VPS54: variants seen among roughly 807,000 people sequenced by gnomAD.
VPS54 encodes vacuolar protein sorting-associated protein 54.
Under a neutral mutation model 121.5 loss-of-function variants are expected in VPS54, and 45 were observed. The ratio of observed to expected loss-of-function variants is 0.37; its 90% CI spans 0.29 to 0.47. The LOEUF (loss-of-function observed/expected upper bound fraction) is 0.47. Among genes scored for constraint, VPS54 ranks in the 20% least tolerant of loss-of-function variants. The pLI is 0.99. For missense variants in VPS54, 1,090 were observed against 1,131.4 expected (o/e 0.96, Z 0.52); for synonymous variants, 371 against 385.8 (o/e 0.96, Z 0.45).
rs562172399 is a variant in VPS54 at position 64,007,024 on chromosome 2, G to A, written c.-21+11914C>T. 3.9e-5 allele frequency among the ~76,000 whole-genome samples: 6 copies of A among 152,294 alleles called. No homozygotes were observed. The South Asian group carries it at 6.2e-4, about 16-fold the overall frequency. On this transcript the variant is annotated intron_variant, in intron 1 of 22. Coordinates refer to ENST00000272322, the MANE Select transcript of VPS54 (RefSeq NM_016516.3). Reference sequence around the variant, plus strand: ...AGGATCCTGAGCCTCCTCTTCTGGCGTCCTTTTCTTTGCTTGAGCATTCCT... The same window carrying A: ...AGGATCCTGAGCCTCCTCTTCTGGCATCCTTTTCTTTGCTTGAGCATTCCT...
chr2:63,972,367 CA>C (rs764513823), intron 3 of VPS54, 123 bp from the exon 4 acceptor site: 1 of 586,952 alleles, frequency 1.7e-6, no homozygotes, highest in Non-Finnish European at 2.9e-6. Context: ...AATATGAAAT[CA>C]CTAGCCTCCT....
chr2:64,013,691 A>G (rs1056070632), intron 1 of VPS54, among the ~76,000 whole-genome samples: 1 of 146,824 alleles, frequency 6.8e-6, no homozygotes, highest in South Asian at 2.1e-4. Context: ...GATATATATC[A>G]CATATATAGA....
At chr2:63,979,998 G>T (rs1676736161) in intron 3 of VPS54, among the ~76,000 whole-genome samples, 2 of 151,964 alleles carry the variant, frequency 1.3e-5, no homozygotes, top group Non-Finnish European at 1.5e-5. Flanking sequence ...TTGGTTAATG[G>T]TTCAAGTCTA....
chr2:63,976,572 G>A (rs1397018818), intron 3 of VPS54, among the ~76,000 whole-genome samples: 4 of 151,972 alleles, frequency 2.6e-5, no homozygotes, highest in African/African-American at 9.7e-5. Flanking sequence ...ATCTGGGCCT[G>A]GTGATTTCTG....
intron 20 of VPS54, among the ~76,000 whole-genome samples, chr2:63,909,616 AACCATCTTGGCCAGGCTGGT>A (rs1673050859): frequency 6.7e-6 from 1 of 148,850 alleles, no homozygotes; most frequent in African/African-American, 2.4e-5. Context: ...GACAGGGTTT[AACCATCTTGGCCAGGCTGGT>A]CTTGAACTCC....
intron 22 of VPS54, among the ~76,000 whole-genome samples, chr2:63,897,279 A>T (rs1442281106): frequency 1.3e-5 from 2 of 151,836 alleles, no homozygotes; most frequent in Non-Finnish European, 1.5e-5. Context: ...ACAGATACAT[A>T]ACGTCAGGTA....
intron 1 of VPS54, among the ~76,000 whole-genome samples, chr2:64,016,694 C>CA (rs1374410797): frequency 2.6e-5 from 4 of 151,404 alleles, no homozygotes; most frequent in Non-Finnish European, 4.4e-5. Flanking sequence ...CTGCAACCTC[C>CA]ACCTCCCAGG....
chr2:63,947,123 G>A (rs1302978637), intron 9 of VPS54, among the ~76,000 whole-genome samples: 1 of 151,926 alleles, frequency 6.6e-6, no homozygotes, highest in Non-Finnish European at 1.5e-5. Flanking sequence ...AACTGCTTAT[G>A]ATTGTAACTG....
At chr2:63,964,869 G>A (rs1206230309) in intron 6 of VPS54, among the ~76,000 whole-genome samples, 3 of 152,012 alleles carry the variant, frequency 2.0e-5, no homozygotes, top group African/African-American at 7.2e-5. Context: ...AGTTTTAGAC[G>A]AGCTCTAAAC....
intron 1 of VPS54, among the ~76,000 whole-genome samples, chr2:64,011,499 G>C (rs922952476): frequency 2.6e-5 from 4 of 152,122 alleles, no homozygotes; most frequent in Non-Finnish European, 4.4e-5. Flanking sequence ...ACAGAACGGG[G>C]AGGTTGCAGT....
intron 7 of VPS54, among the ~76,000 whole-genome samples, chr2:63,957,259 G>A (rs1018811931): frequency 2.6e-5 from 4 of 151,804 alleles, no homozygotes; most frequent in East Asian, 1.9e-4. Flanking sequence ...TGGCTAACAC[G>A]GTGAAACCCT....
At chr2:63,901,284 T>C (rs1672670127) in intron 20 of VPS54, among the ~76,000 whole-genome samples, 1 of 152,084 alleles carries the variant, frequency 6.6e-6, no homozygotes, top group Admixed American at 6.5e-5. Flanking sequence ...AAAGGCCCTC[T>C]GAGGAGAGGT....
At chr2:63,990,515 G>A (rs1239397376) in intron 1 of VPS54, among the ~76,000 whole-genome samples, 5 of 151,964 alleles carry the variant, frequency 3.3e-5, no homozygotes, top group Non-Finnish European at 7.4e-5. Context: ...CACTCAGCCT[G>A]CCTCTCTGTA....
At chr2:63,993,627 C>T (rs1443587459) in intron 1 of VPS54, among the ~76,000 whole-genome samples, 1 of 152,208 alleles carries the variant, frequency 6.6e-6, no homozygotes, top group Non-Finnish European at 1.5e-5. Flanking sequence ...ATTGTAGTTC[C>T]TTTAAATCGG....
At chr2:63,992,763 G>C (rs113638924) in intron 1 of VPS54, among the ~76,000 whole-genome samples, 42 of 152,322 alleles carry the variant, frequency 2.8e-4, no homozygotes, top group African/African-American at 9.4e-4. Context: ...CTTCCAACTC[G>C]GCATGCCTGC....
intron 16 of VPS54, 130 bp from the exon 17 acceptor site, chr2:63,914,417 T>C (rs758796162): frequency 3.0e-5 from 20 of 659,670 alleles, no homozygotes; most frequent in Non-Finnish European, 5.3e-5. Context: ...GTAACTATGT[T>C]AAAGTATGCA....
chr2:63,909,034 T>TC (rs2104423719), intron 20 of VPS54, among the ~76,000 whole-genome samples: 2 of 152,280 alleles, frequency 1.3e-5, no homozygotes, highest in African/African-American at 4.8e-5. Flanking sequence ...ATCTTATCTA[T>TC]CCTTAAAAGC....
At chr2:64,002,546 A>G (rs1677936057) in intron 1 of VPS54, among the ~76,000 whole-genome samples, 2 of 152,234 alleles carry the variant, frequency 1.3e-5, no homozygotes. Context: ...CATTCTGACA[A>G]TACTATGTTG....
intron 6 of VPS54, among the ~76,000 whole-genome samples, chr2:63,964,748 G>A (rs769162242): frequency 2.0e-5 from 3 of 152,130 alleles, no homozygotes; most frequent in Non-Finnish European, 4.4e-5. Flanking sequence ...AGTTCCTGAT[G>A]AGGACTGAAC....
Sources: allele counts gnomAD v4.1 joint callset (sites outside exome capture counted in the v4.1 genomes callset), GRCh38; gene constraint gnomAD v4.1.1; transcripts MANE v1.5; gene names NCBI Gene and HGNC (gene_info 2026-07-23, HGNC 2026-07-21).